MCM10: variants seen among roughly 807,000 people sequenced by gnomAD.
MCM10 encodes minichromosome maintenance 10 replication initiation factor, also known as protein MCM10 homolog.
In MCM10, 91 loss-of-function variants were observed where a neutral mutation model predicts 109.9. The ratio of observed to expected loss-of-function variants is 0.83; its 90% CI spans 0.70 to 0.99. The LOEUF (loss-of-function observed/expected upper bound fraction) is 0.99. Among genes scored for constraint, MCM10 ranks in the 50% least tolerant of loss-of-function variants. MCM10 has a pLI of 0.00. For synonymous variants in MCM10, 380 were observed against 387.2 expected, an observed-to-expected ratio of 0.98 and a Z score of 0.22; for missense variants, 1,077 against 1,061.2, an observed-to-expected ratio of 1.01 and a Z score of -0.21.
intron 17 of MCM10, among the ~76,000 whole-genome samples, chr10:13,203,760 A>G (rs1834531390): frequency 6.6e-6 from 1 of 152,098 alleles, no homozygotes; most frequent in Non-Finnish European, 1.5e-5. Flanking sequence ...AATAGGGAGT[A>G]AGAATAAGCC....
At chr10:13,197,562 G>A in intron 14 of MCM10, 61 bp from the exon 15 acceptor site, 1 of 1,501,440 alleles carries the variant, frequency 6.7e-7, no homozygotes, top group South Asian at 1.2e-5. Flanking sequence ...AGGGATCCAG[G>A]TCTATAAGTG....
intron 7 of MCM10, among the ~76,000 whole-genome samples, chr10:13,180,962 G>A (rs1834202537): frequency 6.6e-6 from 1 of 152,178 alleles, no homozygotes; most frequent in Non-Finnish European, 1.5e-5. Context: ...CGATTCTTTG[G>A]AGGTCCCTTT....
chr10:13,205,124 G>A (rs545048953), intron 18 of MCM10, among the ~76,000 whole-genome samples: 1 of 150,500 alleles, frequency 6.6e-6, no homozygotes, highest in South Asian at 2.1e-4. Flanking sequence ...AGTAAAGTCG[G>A]GGCTTTTAGT....
rs761499773 is a variant in MCM10, at chr10:13,171,059, G to A, written c.145G>A (p.Asp49Asn). 5.0e-5 allele frequency: 80 copies of A among 1,614,072 alleles called. No individual in the cohort carries two copies. Among genetic ancestry groups the A allele is most frequent in the Non-Finnish European group, 5.8e-5 (69 of 1,180,046 alleles). ...CGCATTTGATGAGCTCTTTGATGCC[G>A]ACGGCGACGGTGAATCTTATACAGA... ...PDAFDELFDA[D>N]GDGESYTEEA... Residue 49 changes from aspartate (D) to asparagine (N), a missense_variant, in exon 3 of 20, where the codon GAC (aspartate) becomes AAC (asparagine). Transcript: ENST00000378714.
At chr10:13,187,683 T>C (rs1834292800) in intron 9 of MCM10, among the ~76,000 whole-genome samples, 2 of 152,204 alleles carry the variant, frequency 1.3e-5, no homozygotes, top group South Asian at 4.1e-4. Flanking sequence ...TTCTTAGAGT[T>C]CTTTGAAAGG....
intron 14 of MCM10, among the ~76,000 whole-genome samples, chr10:13,196,209 A>T (rs1423309349): frequency 6.6e-6 from 1 of 152,046 alleles, no homozygotes; most frequent in Non-Finnish European, 1.5e-5. Context: ...CCTAACCAAG[A>T]ATCCTTTAAA....
At chr10:13,162,130 C>A (rs1034149630) in intron 1 of MCM10, among the ~76,000 whole-genome samples, 2 of 152,120 alleles carry the variant, frequency 1.3e-5, no homozygotes, top group African/African-American at 4.8e-5. Context: ...CTGGGGGGAG[C>A]TTTCTTCGAC....
chr10:13,164,637 C>T (rs553580206), intron 2 of MCM10, among the ~76,000 whole-genome samples: 13 of 152,312 alleles, frequency 8.5e-5, no homozygotes, highest in Admixed American at 3.3e-4. Flanking sequence ...TCTGCTGAAG[C>T]GATATTAGTC....
chr10:13,206,200 G>A (rs2131591728), intron 18 of MCM10, among the ~76,000 whole-genome samples: 1 of 152,224 alleles, frequency 6.6e-6, no homozygotes, highest in African/African-American at 2.4e-5. Flanking sequence ...TTCTCACTCG[G>A]CTCTGTGTTT....
intron 18 of MCM10, among the ~76,000 whole-genome samples, chr10:13,205,210 T>A (rs1371986113): frequency 6.6e-6 from 1 of 151,788 alleles, no homozygotes; most frequent in Non-Finnish European, 1.5e-5. Flanking sequence ...CACCCTTCGG[T>A]GTCTATTATT....
At chr10:13,167,891 G>T (rs1487650581) in intron 2 of MCM10, among the ~76,000 whole-genome samples, 1 of 152,192 alleles carries the variant, frequency 6.6e-6, no homozygotes, top group Non-Finnish European at 1.5e-5. Context: ...AGCCACTGGG[G>T]ATCCGAGAAA....
At chr10:13,166,462 C>A (rs1052804506) in intron 2 of MCM10, among the ~76,000 whole-genome samples, 12 of 151,562 alleles carry the variant, frequency 7.9e-5, no homozygotes, top group African/African-American at 2.9e-4. Context: ...ATGGAGAAAC[C>A]CCATCTCTAC....
intron 16 of MCM10, among the ~76,000 whole-genome samples, chr10:13,201,049 G>A (rs1031583315): frequency 9.2e-5 from 14 of 152,168 alleles, no homozygotes; most frequent in South Asian, 2.1e-4. Context: ...GGAGGCTGGT[G>A]CAGGAGAATC....
At chr10:13,176,112 G>A (rs1051876054) in intron 6 of MCM10, among the ~76,000 whole-genome samples, 1 of 152,082 alleles carries the variant, frequency 6.6e-6, no homozygotes, top group African/African-American at 2.4e-5. Flanking sequence ...GTCTTTTGCG[G>A]TTCTGTATAA....
Position 13,183,074 on chromosome 10 carries a change from A to T in MCM10, c.1072A>T (p.Met358Leu). The T allele has an allele frequency of 6.2e-7, 1 of 1,614,084 alleles. No homozygotes were observed. Among genetic ancestry groups the T allele is most frequent in the South Asian group, 1.1e-5 (1 of 91,068 alleles). The change falls in exon 8 of 20, where the codon ATG (methionine) becomes TTG (leucine). Residue 358 changes from methionine to leucine, a missense_variant. By Grantham distance (15) the Met-to-Leu change is conservative. Coordinates refer to ENST00000378714, the MANE Select transcript of MCM10 (RefSeq NM_018518.5). Reference protein sequence around the residue: ...TVVGILNANPMKPKDGSEEVC... With the variant: ...TVVGILNANPLKPKDGSEEVC... The stretch of plus-strand genomic sequence containing the variant: ...CGTAGGGATCCTCAATGCCAACCCC[A>T]TGAAGCCCAAGGATGGTTCAGAGGA...
rs7920182 is a variant in MCM10 at position 13,185,274 on chromosome 10, G to A, written c.1099-890G>A. Among the ~76,000 whole-genome samples, 1,477 of 152,306 alleles carry A rather than the reference G, an allele frequency of 9.7e-3. 22 individuals carry two copies. Among genetic ancestry groups the A allele is most frequent in the African/African-American group, 0.034 (1,411 of 41,546 alleles). On this transcript the variant is annotated intron_variant, in intron 8 of 19. Transcript: ENST00000378714. Reference sequence around the variant, plus strand: ...AGGCTACTTGGCTTATTGAGCTCAAGTGTTGTAAGAGATCTTGTCCTAGGA... The same window carrying A: ...AGGCTACTTGGCTTATTGAGCTCAAATGTTGTAAGAGATCTTGTCCTAGGA...
chr10:13,192,004 G>T (rs1834354074), intron 11 of MCM10, among the ~76,000 whole-genome samples: 1 of 152,176 alleles, frequency 6.6e-6, no homozygotes, highest in Non-Finnish European at 1.5e-5. Context: ...CAGAAACAGG[G>T]TATGGAATGA....
At chr10:13,191,707 G>A (rs1834349904) in intron 11 of MCM10, among the ~76,000 whole-genome samples, 1 of 152,074 alleles carries the variant, frequency 6.6e-6, no homozygotes, top group Non-Finnish European at 1.5e-5. Flanking sequence ...CAGGTTTGCA[G>A]GACCTTAAGG....
At chr10:13,206,284 A>G (rs548590606) in intron 18 of MCM10, among the ~76,000 whole-genome samples, 3 of 152,186 alleles carry the variant, frequency 2.0e-5, no homozygotes, top group Non-Finnish European at 4.4e-5. Flanking sequence ...CACCCATCAC[A>G]TTTCGCCCAC....
Sources: gnomAD v4.1 joint callset for allele counts (sites outside exome capture counted in the v4.1 genomes callset) on GRCh38, gnomAD v4.1.1 for gene constraint, MANE v1.5 for transcripts, NCBI Gene and HGNC (gene_info 2026-07-23, HGNC 2026-07-21) for gene names.